The following XKR9 variants were observed in gnomAD, a reference collection of about 807,000 sequenced individuals.
The protein encoded by XKR9 is XK related 9.
In XKR9, 32 loss-of-function variants were observed where a neutral mutation model predicts 32.0. The ratio of observed to expected loss-of-function variants is 1.00; its 90% CI spans 0.76 to 1.34. The LOEUF (loss-of-function observed/expected upper bound fraction) is 1.34. Ranked by LOEUF, XKR9 falls within the 40% of genes most tolerant of loss-of-function variation. XKR9 has a pLI of 0.00. For missense variants in XKR9, 546 were observed against 429.7 expected (o/e 1.27, Z -2.39); for synonymous variants, 168 against 143.4 (o/e 1.17, Z -1.22).
At chr8:70,855,020 C>G in the XKR9 span, among the ~76,000 whole-genome samples, 1 of 151,948 alleles carries the variant, frequency 6.6e-6, no homozygotes, top group East Asian at 1.9e-4. Context: ...TTTTTGGTTC[C>G]ATATGAACTT....
the XKR9 span, among the ~76,000 whole-genome samples, chr8:70,882,266 AAAAT>A: frequency 6.6e-6 from 1 of 152,204 alleles, no homozygotes; most frequent in African/African-American, 2.4e-5. Flanking sequence ...ATAATAATAA[AAAAT>A]AAATAAAATA....
rs34400671 is a variant in XKR9, at chr8:70,767,496, C to CTTTTTTT, written n.353-21829_353-21823dup. Among the ~76,000 whole-genome samples the CTTTTTTT allele has an allele frequency of 4.4e-3, 436 of 99,318 alleles. 7 individuals are homozygous for CTTTTTTT. Among genetic ancestry groups the CTTTTTTT allele is most frequent in the Non-Finnish European group, 7.0e-3 (365 of 52,126 alleles). 65.2% of individuals were successfully genotyped at this position (99,318 alleles called of 152,430 possible). A position where few individuals can be genotyped will look rare whatever the true frequency, so the allele number is the denominator to read the frequency against. On this transcript the variant is annotated intron_variant and non_coding_transcript_variant, in intron 2 of 3. Coordinates refer to the XKR9 transcript ENST00000520273. ...TATTTGATTCTTCTCTCTTTTCCTT[C>CTTTTTTT]TTTTTTTTTTTTTTTTTTTTGAGAT... is the stretch of plus-strand genomic sequence containing the variant.
the XKR9 span, among the ~76,000 whole-genome samples, chr8:70,859,954 G>T: frequency 2.6e-5 from 4 of 152,108 alleles, no homozygotes. Flanking sequence ...TGACAACAAT[G>T]TGTTGTGTAT....
the XKR9 span, among the ~76,000 whole-genome samples, chr8:70,911,824 G>A: frequency 6.6e-6 from 1 of 152,170 alleles, no homozygotes; most frequent in Non-Finnish European, 1.5e-5. Flanking sequence ...ATAAACCTGA[G>A]TAAAGTTAGA....
the XKR9 span, among the ~76,000 whole-genome samples, chr8:71,015,292 G>A: frequency 6.6e-6 from 1 of 152,120 alleles, no homozygotes. Flanking sequence ...AACATGCCTG[G>A]TGGAGAGTAG....
chr8:70,979,269 T>G, the XKR9 span, among the ~76,000 whole-genome samples: 1 of 152,306 alleles, frequency 6.6e-6, no homozygotes, highest in South Asian at 2.1e-4. Flanking sequence ...CCGTCCAGCT[T>G]TGTTTCACTG....
At chr8:70,957,654 C>T in the XKR9 span, among the ~76,000 whole-genome samples, 2 of 152,252 alleles carry the variant, frequency 1.3e-5, no homozygotes, top group East Asian at 3.9e-4. Flanking sequence ...TCTCTTCCCG[C>T]ATTAGTTTGC....
Position 70,767,122 on chromosome 8 carries a change from T to A in XKR9, n.353-22217T>A, listed in dbSNP as rs559477021. ...GATGATGCTGGCCTCTTAAAATGAG[T>A]TAGGGAGGAGTCCCTCTTTTTCTAT... On this transcript the variant is annotated intron_variant and non_coding_transcript_variant, in intron 2 of 3. Transcript: ENST00000520273. Among the ~76,000 whole-genome samples the A allele has an allele frequency of 9.2e-5, 14 of 152,330 alleles. No homozygotes were observed. The South Asian group carries it at 2.7e-3, about 29-fold the overall frequency.
At chr8:70,862,703 G>A in the XKR9 span, among the ~76,000 whole-genome samples, 1 of 151,992 alleles carries the variant, frequency 6.6e-6, no homozygotes, top group South Asian at 2.1e-4. Context: ...GAATAAATAT[G>A]TGTCTGTATA....
At chr8:70,909,061 A>G in the XKR9 span, among the ~76,000 whole-genome samples, 1 of 151,894 alleles carries the variant, frequency 6.6e-6, no homozygotes, top group Non-Finnish European at 1.5e-5. Flanking sequence ...AGGTTTTTTT[A>G]TTACCTTGCA....
the XKR9 span, among the ~76,000 whole-genome samples, chr8:70,826,864 TAA>T: frequency 2.0e-5 from 3 of 148,952 alleles, no homozygotes; most frequent in Non-Finnish European, 4.4e-5. Flanking sequence ...TATTCTATTT[TAA>T]GTGTAGTTTA....
downstream of XKR9, among the ~76,000 whole-genome samples, chr8:70,738,185 G>T (rs1166984483): frequency 2.2e-5 from 3 of 135,172 alleles, no homozygotes; most frequent in African/African-American, 5.2e-5. Context: ...ACTTCTTCCT[G>T]GGTTAGTGTT....
At chr8:70,942,700 AGG>A in the XKR9 span, among the ~76,000 whole-genome samples, 1 of 152,174 alleles carries the variant, frequency 6.6e-6, no homozygotes, top group African/African-American at 2.4e-5. Context: ...TTCAGTTTTC[AGG>A]TCTGCGGTTG....
At chr8:70,956,103 G>A in the XKR9 span, among the ~76,000 whole-genome samples, 1 of 152,164 alleles carries the variant, frequency 6.6e-6, no homozygotes, top group African/African-American at 2.4e-5. Flanking sequence ...AGCAGTGGGG[G>A]TGGGGGAGCA....
the XKR9 span, among the ~76,000 whole-genome samples, chr8:70,876,849 G>A: frequency 6.6e-6 from 1 of 152,074 alleles, no homozygotes; most frequent in Non-Finnish European, 1.5e-5. Context: ...GAGACGTGTT[G>A]AGATCTGGAC....
the XKR9 span, among the ~76,000 whole-genome samples, chr8:70,861,596 C>A: frequency 6.6e-6 from 1 of 152,034 alleles, no homozygotes; most frequent in Non-Finnish European, 1.5e-5. Context: ...TTCAGGGCTG[C>A]AGTGAGCTAT....
At chr8:70,927,397 T>G in the XKR9 span, among the ~76,000 whole-genome samples, 1 of 152,126 alleles carries the variant, frequency 6.6e-6, no homozygotes, top group Non-Finnish European at 1.5e-5. Flanking sequence ...TTTAGTCCAT[T>G]TGTGCTGCCA....
the XKR9 span, among the ~76,000 whole-genome samples, chr8:70,941,658 T>A: frequency 2.0e-5 from 3 of 152,132 alleles, no homozygotes; most frequent in Admixed American, 2.0e-4. Flanking sequence ...ATTGAGTGTC[T>A]TAGGTATTAA....
the XKR9 span, among the ~76,000 whole-genome samples, chr8:70,903,919 G>C: frequency 6.6e-6 from 1 of 152,084 alleles, no homozygotes; most frequent in Non-Finnish European, 1.5e-5. Flanking sequence ...TCAGTAGCAG[G>C]TTGTTCAGTT....
Sources: allele counts gnomAD v4.1 joint callset (sites outside exome capture counted in the v4.1 genomes callset), GRCh38; gene constraint gnomAD v4.1.1; transcripts MANE v1.5; gene names NCBI Gene and HGNC (gene_info 2026-07-23, HGNC 2026-07-21).